The following KCNH1 variants were observed in gnomAD, a reference collection of about 807,000 sequenced individuals.
KCNH1 encodes the protein voltage-gated delayed rectifier potassium channel KCNH1.
KCNH1 carries 27 observed loss-of-function variants against 69.2 expected under a neutral mutation model. The observed-to-expected ratio is 0.39, with a 90% CI of 0.29 to 0.54. The LOEUF (loss-of-function observed/expected upper bound fraction) is 0.54. Ranked by LOEUF, KCNH1 falls within the 20% of genes least tolerant of loss-of-function variation. The pLI, the probability that KCNH1 is intolerant of heterozygous loss-of-function variation, is 0.68. For missense variants in KCNH1, 798 were observed against 1,261.6 expected, an observed-to-expected ratio of 0.63 and a Z score of 5.57; for synonymous variants, 456 against 487.7, an observed-to-expected ratio of 0.93 and a Z score of 0.86.
chr1:210,951,394 C>T lies in KCNH1; in HGVS notation c.1033-31325G>A, dbSNP rs932963478. 6.6e-5 allele frequency among the ~76,000 whole-genome samples: 10 copies of T among 152,178 alleles called. 1 individual carries two copies. Among genetic ancestry groups the T allele is most frequent in the Admixed American group, 1.3e-4 (2 of 15,280 alleles). ...TTATGCTAATATATGTCAAGGAGAACGTTCTTGATGCTTTAGGAGCATTTG... is the reference window on the plus strand; with the variant it reads ...TTATGCTAATATATGTCAAGGAGAATGTTCTTGATGCTTTAGGAGCATTTG... On this transcript the variant is annotated intron_variant, in intron 6 of 10. Transcript: ENST00000271751.
chr1:211,018,764 T>G lies in KCNH1; in HGVS notation c.1032+19A>C. 191 of 1,543,742 alleles carry G rather than the reference T, an allele frequency of 1.2e-4. No homozygotes were observed. The highest frequency in any genetic ancestry group is 1.6e-4 in the Non-Finnish European group (178 of 1,135,270). On this transcript the variant is annotated intron_variant, in intron 6 of 10. Transcript: ENST00000271751. ...GTTTTAAAGACATGACAACAAGGTC[T>G]GAGATTTGAGGGATGTACCTGACTC... is the stretch of plus-strand genomic sequence containing the variant.
intron 5 of KCNH1, among the ~76,000 whole-genome samples, chr1:211,050,190 G>A (rs1690171308): frequency 7.2e-6 from 1 of 138,802 alleles, no homozygotes; most frequent in Non-Finnish European, 1.5e-5. Context: ...GTTCCAAAAA[G>A]CTTCCCTGTT....
At chr1:211,068,982 C>T (rs991477583) in intron 5 of KCNH1, among the ~76,000 whole-genome samples, 2 of 152,194 alleles carry the variant, frequency 1.3e-5, no homozygotes, top group African/African-American at 4.8e-5. Flanking sequence ...TCCAGGTTCT[C>T]ACAGTGAAGA....
chr1:210,937,818 A>G (rs1031447292), intron 6 of KCNH1, among the ~76,000 whole-genome samples: 1 of 152,200 alleles, frequency 6.6e-6, no homozygotes, highest in Non-Finnish European at 1.5e-5. Flanking sequence ...AACAATTTAG[A>G]AAAGACTATA....
chr1:210,723,943 A>C (rs1682532018), intron 10 of KCNH1, among the ~76,000 whole-genome samples: 1 of 152,176 alleles, frequency 6.6e-6, no homozygotes, highest in South Asian at 2.1e-4. Flanking sequence ...GCCTTCACTG[A>C]GGTATCTATA....
At chr1:211,062,062 A>C (rs1690441455) in intron 5 of KCNH1, among the ~76,000 whole-genome samples, 1 of 152,156 alleles carries the variant, frequency 6.6e-6, no homozygotes, top group South Asian at 2.1e-4. Context: ...CTGACTTCAA[A>C]TTATACTACA....
intron 8 of KCNH1, among the ~76,000 whole-genome samples, chr1:210,800,916 G>A (rs879042786): frequency 1.3e-5 from 2 of 152,194 alleles, no homozygotes; most frequent in African/African-American, 4.8e-5. Context: ...CACTAGATGC[G>A]TGAATGTGCA....
chr1:211,074,097 TA>T lies in KCNH1; in HGVS notation c.558+8682del, dbSNP rs59971801. Among the ~76,000 whole-genome samples, 784 of 119,726 alleles carry T rather than the reference TA, an allele frequency of 6.5e-3. 8 individuals carry two copies. Among genetic ancestry groups the T allele is most frequent in the African/African-American group, 0.019 (612 of 31,448 alleles). 78.5% of individuals were successfully genotyped at this position (119,726 alleles called of 152,430 possible). A position where few individuals can be genotyped will look rare whatever the true frequency, so the allele number is the denominator to read the frequency against. On this transcript the variant is annotated intron_variant, in intron 5 of 10. Coordinates refer to ENST00000271751, the MANE Select transcript of KCNH1 (RefSeq NM_172362.3). ...CCTTTCTTTCATTCATTCCACCAATTAAAAAAAAAAAAAAAAAAAACCTTAA... is the reference window on the plus strand; with the variant it reads ...CCTTTCTTTCATTCATTCCACCAATTAAAAAAAAAAAAAAAAAAACCTTAA...
intron 7 of KCNH1, among the ~76,000 whole-genome samples, chr1:210,912,310 C>T (rs1170359915): frequency 6.6e-6 from 1 of 152,200 alleles, no homozygotes; most frequent in East Asian, 1.9e-4. Flanking sequence ...CAAGCCTGAA[C>T]AGTGAAGCCT....
intron 1 of KCNH1, among the ~76,000 whole-genome samples, chr1:211,112,360 C>T (rs895084201): frequency 7.2e-4 from 106 of 147,246 alleles, no homozygotes; most frequent in African/African-American, 2.7e-3. Context: ...GCTTGGCCGC[C>T]CCACCGTCTG....
At chr1:210,879,920 A>G (rs1050470163) in intron 7 of KCNH1, among the ~76,000 whole-genome samples, 2 of 152,180 alleles carry the variant, frequency 1.3e-5, no homozygotes, top group African/African-American at 4.8e-5. Context: ...AGGTTAATAC[A>G]TAAAAATTAC....
At chr1:210,926,229 C>T (rs956620209) in intron 6 of KCNH1, among the ~76,000 whole-genome samples, 12 of 152,068 alleles carry the variant, frequency 7.9e-5, no homozygotes, top group African/African-American at 2.9e-4. Flanking sequence ...CACCATTGCC[C>T]TCCAGCCTGG....
chr1:210,731,148 A>G (rs1429786696), intron 10 of KCNH1, among the ~76,000 whole-genome samples: 1 of 152,246 alleles, frequency 6.6e-6, no homozygotes, highest in Non-Finnish European at 1.5e-5. Flanking sequence ...AAGCCTTTAA[A>G]GCAGAAATGA....
At chr1:210,840,491 AG>A (rs1334384634) in intron 7 of KCNH1, among the ~76,000 whole-genome samples, 1 of 152,164 alleles carries the variant, frequency 6.6e-6, no homozygotes, top group Non-Finnish European at 1.5e-5. Context: ...GGCAGGCAGG[AG>A]GGGGGCATTT....
intron 6 of KCNH1, among the ~76,000 whole-genome samples, chr1:210,963,003 G>C (rs1558543215): frequency 6.6e-6 from 1 of 150,696 alleles, no homozygotes; most frequent in East Asian, 1.9e-4. Context: ...TAATTTACTG[G>C]GTTCTTTGCC....
intron 1 of KCNH1, among the ~76,000 whole-genome samples, chr1:211,123,908 G>A (rs1271380006): frequency 6.6e-6 from 1 of 152,138 alleles, no homozygotes; most frequent in Non-Finnish European, 1.5e-5. Flanking sequence ...CTAGGGACAC[G>A]TGAGAGGTAG....
chr1:210,754,441 AT>A (rs35845939), intron 10 of KCNH1, among the ~76,000 whole-genome samples: 1 of 151,892 alleles, frequency 6.6e-6, no homozygotes, highest in Non-Finnish European at 1.5e-5. Context: ...TAGTTTGGAT[AT>A]TTTTTTCCCT....
At chr1:210,873,479 C>T (rs1686294746) in intron 7 of KCNH1, among the ~76,000 whole-genome samples, 1 of 152,144 alleles carries the variant, frequency 6.6e-6, no homozygotes, top group Admixed American at 6.5e-5. Flanking sequence ...TACCATGTAG[C>T]TGGGACTACA....
At chr1:211,069,963 G>A (rs1176763238) in intron 5 of KCNH1, among the ~76,000 whole-genome samples, 3 of 151,878 alleles carry the variant, frequency 2.0e-5, no homozygotes, top group East Asian at 1.9e-4. Flanking sequence ...AAGAATTGTG[G>A]GACAACTACA....
Sources: allele counts gnomAD v4.1 joint callset (sites outside exome capture counted in the v4.1 genomes callset), GRCh38; gene constraint gnomAD v4.1.1; transcripts MANE v1.5; gene names NCBI Gene and HGNC (gene_info 2026-07-23, HGNC 2026-07-21).